MRPL39: variants seen among roughly 807,000 people sequenced by gnomAD.
MRPL39 encodes large ribosomal subunit protein mL39.
A neutral mutation model predicts 44.5 loss-of-function variants in MRPL39; 35 were observed. That is an observed-to-expected ratio of 0.79 (90% confidence interval 0.60 to 1.04). MRPL39 has a LOEUF of 1.04. MRPL39 is among the 50% of genes least tolerant of loss of function. The pLI is 0.00. For missense variants in MRPL39, 433 were observed against 413.5 expected (o/e 1.05, Z -0.41); for synonymous variants, 139 against 136.1 (o/e 1.02, Z -0.15).
In MRPL39 at chr21:25,606,535, A is replaced by C. The variant is rs745375706; in HGVS notation, c.194T>G (p.Ile65Arg). Residue 65 changes from isoleucine to arginine, a missense_variant, in exon 2 of 10, where the codon ATA (isoleucine) becomes AGA (arginine). Physicochemically the swap from Ile to Arg is moderately conservative, Grantham distance 97 (BLOSUM62 -3). Coordinates refer to ENST00000352957, the MANE Select transcript of MRPL39 (RefSeq NM_017446.4). ...QLSLTPRTEK[I>R]EVKHVGKTDP... The stretch of plus-strand genomic sequence containing the variant: ...AGTTTTCCCAACATGCTTAACTTCT[A>C]TCTTCTCAGTTCGGGGAGTTAATGA... The C allele has an allele frequency of 6.2e-7, 1 of 1,614,060 alleles. No individual in the cohort carries two copies. Among genetic ancestry groups the C allele is most frequent in the South Asian group, 1.1e-5 (1 of 91,066 alleles).
At chr21:25,607,314 G>A (rs978709312) in intron 1 of MRPL39, 89 bp downstream of exon 1, 12 of 1,442,352 alleles carry the variant, frequency 8.3e-6, no homozygotes, top group Non-Finnish European at 1.2e-5. Context: ...TCTGCCCCGC[G>A]GGACCTCCCC....
chr21:25,593,088 C>T, intron 7 of MRPL39, 123 bp from the exon 8 acceptor site: 1 of 816,360 alleles, frequency 1.2e-6, no homozygotes, highest in Non-Finnish European at 1.8e-6. Context: ...ATATATGGTT[C>T]AATTCAGTTT....
chr21:25,607,316 G>A (rs9653688), intron 1 of MRPL39, 87 bp downstream of exon 1: 999,045 of 1,456,754 alleles, frequency 0.69, 359,097 homozygotes, highest in Non-Finnish European at 0.75. Flanking sequence ...TGCCCCGCGG[G>A]ACCTCCCCGG....
At chr21:25,597,819 T>G (rs112114940) in intron 5 of MRPL39, among the ~76,000 whole-genome samples, 1 of 152,122 alleles carries the variant, frequency 6.6e-6, no homozygotes, top group Non-Finnish European at 1.5e-5. Flanking sequence ...TTATTAAATA[T>G]ATGGGGAAAA....
In MRPL39 at chr21:25,606,359, G is replaced by C. The variant is rs547052779; in HGVS notation, c.280+90C>G. On this transcript the variant is annotated intron_variant, in intron 2 of 9. Transcript: ENST00000352957. ...GGATTGCCATGGCCACAGATGACCA[G>C]AAGTAATTACAGCATCCTGTCTCCT... The C allele has an allele frequency of 4.2e-6, 5 of 1,188,514 alleles. No homozygotes were observed. The East Asian group carries it at 9.7e-5, about 23-fold the overall frequency. The allele number at this position is 1,188,514 out of a possible 1,614,324, so 73.6% of individuals were successfully genotyped here.
At chr21:25,594,747 C>A (rs2031303831) in intron 6 of MRPL39, among the ~76,000 whole-genome samples, 1 of 152,090 alleles carries the variant, frequency 6.6e-6, no homozygotes, top group African/African-American at 2.4e-5. Flanking sequence ...ATCTACCTAC[C>A]TCTTCTGACC....
At chr21:25,594,278 G>A (rs1339953628) in intron 6 of MRPL39, among the ~76,000 whole-genome samples, 3 of 139,656 alleles carry the variant, frequency 2.1e-5, no homozygotes, top group Admixed American at 7.4e-5. Flanking sequence ...TTGAGGCAGG[G>A]TCTTACTCTT....
At chr21:25,589,236 A>G (rs928744094) in intron 8 of MRPL39, among the ~76,000 whole-genome samples, 1 of 152,176 alleles carries the variant, frequency 6.6e-6, no homozygotes, top group Non-Finnish European at 1.5e-5. Context: ...ACTTTCCCAT[A>G]GACTGTGGTT....
intron 6 of MRPL39, among the ~76,000 whole-genome samples, chr21:25,594,705 A>C (rs2031301265): frequency 6.6e-6 from 1 of 151,992 alleles, no homozygotes; most frequent in Non-Finnish European, 1.5e-5. Context: ...GCTACAACTT[A>C]TGTAGTTGTA....
chr21:25,606,578 C>G lies in MRPL39; in HGVS notation c.151G>C (p.Glu51Gln). The G allele has an allele frequency of 6.2e-7, 1 of 1,613,988 alleles. No individual in the cohort carries two copies. Residue 51 changes from glutamate to glutamine, a missense_variant, in exon 2 of 10, where the codon GAG (glutamate) becomes CAG (glutamine). Glu to Gln is a conservative substitution (Grantham distance 29). Coordinates refer to ENST00000352957, the MANE Select transcript of MRPL39 (RefSeq NM_017446.4). ...TEMRNDLFNK[E>Q]KARQLSLTPR... Reference sequence around the variant, plus strand: ...GTTAATGATAACTGCCTGGCTTTCTCTTTATTAAAGAGATCATTCCGCATT... The same window carrying G: ...GTTAATGATAACTGCCTGGCTTTCTGTTTATTAAAGAGATCATTCCGCATT...
At chr21:25,586,998 C>T (rs1172773294) in intron 9 of MRPL39, among the ~76,000 whole-genome samples, 1 of 152,182 alleles carries the variant, frequency 6.6e-6, no homozygotes, top group Non-Finnish European at 1.5e-5. Context: ...ACACAATAAA[C>T]AATCAGTAAG....
At chr21:25,606,727 T>G in intron 1 of MRPL39, 72 bp from the exon 2 acceptor site, 2 of 1,242,858 alleles carry the variant, frequency 1.6e-6, no homozygotes, top group East Asian at 2.4e-5. Flanking sequence ...CGCTCAGAGG[T>G]AAAATTAAAC....
chr21:25,604,275 A>G (rs1244080468), intron 2 of MRPL39, among the ~76,000 whole-genome samples: 1 of 152,130 alleles, frequency 6.6e-6, no homozygotes, highest in African/African-American at 2.4e-5. Flanking sequence ...AAATAAATAA[A>G]TAAAATAATA....
intron 8 of MRPL39, among the ~76,000 whole-genome samples, chr21:25,591,004 T>G (rs13051559): frequency 0.76 from 113,987 of 150,400 alleles, 43,509 homozygotes; most frequent in Middle Eastern, 0.82. Flanking sequence ...TTAACAAAGA[T>G]GCAAAAGTAA....
At chr21:25,593,712 G>A (rs561898904) in intron 7 of MRPL39, among the ~76,000 whole-genome samples, 181 bp downstream of exon 7, 1 of 152,292 alleles carries the variant, frequency 6.6e-6, no homozygotes, top group East Asian at 1.9e-4. Context: ...AAGTGTTCCT[G>A]AAGATAATTT....
upstream of MRPL39, among the ~76,000 whole-genome samples, chr21:25,607,752 T>C (rs891553617): frequency 6.6e-6 from 1 of 152,102 alleles, no homozygotes; most frequent in Non-Finnish European, 1.5e-5. Flanking sequence ...CCACGTAGGC[T>C]CTGCAGGGAA....
intron 8 of MRPL39, 150 bp from the exon 9 acceptor site, chr21:25,589,032 CA>C: frequency 7.6e-5 from 48 of 628,448 alleles, no homozygotes; most frequent in East Asian, 1.4e-4. Context: ...ATCATAGTAG[CA>C]AAAAAAGGTG....
At position 25,606,572 on chromosome 21, in the gene MRPL39, C is replaced by T. The variant is rs774427677; in HGVS notation, c.157G>A (p.Ala53Thr). The T allele has an allele frequency of 6.2e-7, 1 of 1,613,952 alleles. No individual in the cohort carries two copies. Among genetic ancestry groups the T allele is most frequent in the East Asian group, 2.2e-5 (1 of 44,888 alleles). ...CGGGGAGTTAATGATAACTGCCTGG[C>T]TTTCTCTTTATTAAAGAGATCATTC... ...MRNDLFNKEK[A>T]RQLSLTPRTE... is the part of the protein sequence containing the mutation. The change falls in exon 2 of 10, where the codon GCC (alanine) becomes ACC (threonine). Residue 53 changes from alanine (A) to threonine (T), a missense_variant. Physicochemically the swap from Ala to Thr is moderately conservative, Grantham distance 58 (BLOSUM62 0). Transcript: ENST00000352957.
chr21:25,596,546 A>ATAAC (rs34870162), intron 6 of MRPL39, among the ~76,000 whole-genome samples: 118,855 of 151,546 alleles, frequency 0.78, 46,785 homozygotes, highest in Non-Finnish European at 0.82. Context: ...AAACACACTC[A>ATAAC]TAACCCAATA....
Sources: allele counts gnomAD v4.1 joint callset (sites outside exome capture counted in the v4.1 genomes callset), GRCh38; gene constraint gnomAD v4.1.1; transcripts MANE v1.5; gene names NCBI Gene and HGNC (gene_info 2026-07-23, HGNC 2026-07-21).